AP3B1: variants seen among roughly 807,000 people sequenced by gnomAD.
The protein encoded by AP3B1 is AP-3 complex subunit beta-1.
Under a neutral mutation model 132.5 loss-of-function variants are expected in AP3B1, and 61 were observed. That is an observed-to-expected ratio of 0.46 (90% CI 0.37 to 0.57). AP3B1 has a LOEUF of 0.57. Ranked by LOEUF, AP3B1 falls within the 20% of genes least tolerant of loss-of-function variation. The probability of loss-of-function intolerance (pLI) is 0.00; values close to 1 mark genes in which losing one functional copy is unlikely to be tolerated. For synonymous variants in AP3B1, 388 were observed against 438.3 expected (o/e 0.89, Z 1.43); for missense variants, 1,120 against 1,289.4 (o/e 0.87, Z 2.01).
intron 6 of AP3B1, among the ~76,000 whole-genome samples, chr5:78,221,843 C>G (rs1746189995): frequency 6.6e-6 from 1 of 151,900 alleles, no homozygotes; most frequent in Non-Finnish European, 1.5e-5. Flanking sequence ...CACTGAGTAC[C>G]AAGGCAAAAC....
chr5:78,023,504 T>G (rs1472098998), intron 24 of AP3B1, among the ~76,000 whole-genome samples: 1 of 151,508 alleles, frequency 6.6e-6, no homozygotes, highest in African/African-American at 2.4e-5. Context: ...GACAGGGCAG[T>G]ATGTAGGAGT....
chr5:78,254,673 C>A (rs1283384866), intron 2 of AP3B1, among the ~76,000 whole-genome samples: 1 of 152,134 alleles, frequency 6.6e-6, no homozygotes, highest in East Asian at 1.9e-4. Context: ...CAATGCCAGA[C>A]CTGTCCTACA....
chr5:78,134,700 C>T (rs547522849), intron 15 of AP3B1, among the ~76,000 whole-genome samples: 1 of 152,070 alleles, frequency 6.6e-6, no homozygotes, highest in African/African-American at 2.4e-5. Flanking sequence ...GCCACCACAC[C>T]CGGCTAATTT....
intron 24 of AP3B1, among the ~76,000 whole-genome samples, chr5:78,028,354 G>A (rs374078694): frequency 6.8e-4 from 103 of 151,888 alleles, no homozygotes; most frequent in African/African-American, 2.5e-3. Context: ...CAGCTACTCG[G>A]GAGGCTGAGG....
At chr5:78,058,033 A>C (rs1203141363) in intron 22 of AP3B1, among the ~76,000 whole-genome samples, 1 of 152,210 alleles carries the variant, frequency 6.6e-6, no homozygotes, top group Non-Finnish European at 1.5e-5. Flanking sequence ...ATTTTTGAAA[A>C]ATGTAAATTA....
At chr5:78,203,718 T>C (rs1274081266) in intron 7 of AP3B1, among the ~76,000 whole-genome samples, 1 of 152,150 alleles carries the variant, frequency 6.6e-6, no homozygotes, top group Non-Finnish European at 1.5e-5. Context: ...ATGTATTATG[T>C]GTGTTGGTGC....
intron 21 of AP3B1, among the ~76,000 whole-genome samples, chr5:78,091,801 T>C (rs116140123): frequency 0.012 from 1,899 of 152,300 alleles, 49 homozygotes; most frequent in African/African-American, 0.043. Flanking sequence ...GCAGGATGGT[T>C]AATCAGATGG....
intron 7 of AP3B1, among the ~76,000 whole-genome samples, chr5:78,198,953 A>T (rs930500734): frequency 3.9e-5 from 6 of 152,232 alleles, no homozygotes; most frequent in Non-Finnish European, 8.8e-5. Flanking sequence ...ACAACAAAGG[A>T]TATGCATACT....
chr5:78,218,206 T>G (rs1410697637), intron 6 of AP3B1, among the ~76,000 whole-genome samples: 1 of 152,116 alleles, frequency 6.6e-6, no homozygotes, highest in East Asian at 1.9e-4. Flanking sequence ...TTAATAATTT[T>G]GGTTTATTAA....
At chr5:78,287,193 T>G (rs2112594122) in intron 1 of AP3B1, among the ~76,000 whole-genome samples, 1 of 152,302 alleles carries the variant, frequency 6.6e-6, no homozygotes, top group South Asian at 2.1e-4. Context: ...ACATAAAATC[T>G]CACATCTTAT....
chr5:78,229,654 A>C (rs1383530833), intron 3 of AP3B1, among the ~76,000 whole-genome samples: 33 of 151,668 alleles, frequency 2.2e-4, no homozygotes, highest in Non-Finnish European at 1.6e-4. Context: ...TGGGAGAGTC[A>C]CCTGAGCCTG....
At chr5:78,089,886 T>G (rs938635874) in intron 21 of AP3B1, among the ~76,000 whole-genome samples, 1 of 152,190 alleles carries the variant, frequency 6.6e-6, no homozygotes, top group African/African-American at 2.4e-5. Context: ...GAATTAGAAG[T>G]CTTGAAAGAT....
intron 17 of AP3B1, among the ~76,000 whole-genome samples, chr5:78,123,534 G>A (rs575966213): frequency 0.026 from 3,898 of 152,126 alleles, 171 homozygotes; most frequent in African/African-American, 0.085. Flanking sequence ...AAAAGTGGGC[G>A]AAGGATGTGA....
At chr5:78,172,135 G>A (rs1298738738) in intron 11 of AP3B1, among the ~76,000 whole-genome samples, 3 of 152,148 alleles carry the variant, frequency 2.0e-5, no homozygotes, top group Non-Finnish European at 4.4e-5. Context: ...GCTGAATTCG[G>A]TTTGCCATTA....
chr5:78,034,886 A>C (rs989395470), intron 23 of AP3B1, among the ~76,000 whole-genome samples: 1 of 151,970 alleles, frequency 6.6e-6, no homozygotes, highest in Non-Finnish European at 1.5e-5. Context: ...AATGTCCAAA[A>C]TTTTCAATGA....
chr5:78,256,032 A>G (rs1388240886), intron 2 of AP3B1, among the ~76,000 whole-genome samples: 1 of 151,846 alleles, frequency 6.6e-6, no homozygotes, highest in Non-Finnish European at 1.5e-5. Flanking sequence ...GAAAAATCTA[A>G]GAGGGAATTT....
intron 3 of AP3B1, among the ~76,000 whole-genome samples, chr5:78,239,658 A>C (rs1747035626): frequency 6.6e-6 from 1 of 151,378 alleles, no homozygotes; most frequent in Non-Finnish European, 1.5e-5. Context: ...AAGCGCCTGT[A>C]GTCCCAGCTA....
chr5:78,221,042 C>T (rs1273377158), intron 6 of AP3B1, among the ~76,000 whole-genome samples: 1 of 152,018 alleles, frequency 6.6e-6, no homozygotes, highest in Non-Finnish European at 1.5e-5. Context: ...AGAGTAAGAC[C>T]CTTCTTTTTT....
intron 5 of AP3B1, 68 bp downstream of exon 5, chr5:78,227,304 G>T: frequency 2.0e-6 from 3 of 1,488,316 alleles, no homozygotes; most frequent in Non-Finnish European, 1.9e-6. Context: ...AATAAAACAA[G>T]CCTCTGTGGT....
Sources: allele counts gnomAD v4.1 joint callset (sites outside exome capture counted in the v4.1 genomes callset), GRCh38; gene constraint gnomAD v4.1.1; transcripts MANE v1.5; gene names NCBI Gene and HGNC (gene_info 2026-07-23, HGNC 2026-07-21).